The following MIA2 variants were observed in gnomAD, a reference collection of about 807,000 sequenced individuals.
MIA2 encodes the protein melanoma inhibitory activity protein 2.
In MIA2, 127 loss-of-function variants were observed where a neutral mutation model predicts 167.8. The ratio of observed to expected loss-of-function variants is 0.76; its 90% CI spans 0.66 to 0.88. MIA2 has a LOEUF of 0.88. MIA2 is among the 40% of genes least tolerant of loss of function. The pLI is 0.00. For synonymous variants in MIA2, 552 were observed against 541.9 expected (o/e 1.02, Z -0.26); for missense variants, 1,690 against 1,624.7 (o/e 1.04, Z -0.69).
intron 23 of MIA2, among the ~76,000 whole-genome samples, 167 bp from the exon 24 acceptor site, chr14:39,320,761 A>G (rs1010277595): frequency 1.1e-4 from 17 of 152,210 alleles, no homozygotes; most frequent in African/African-American, 3.9e-4. Flanking sequence ...CAGGGTCTGT[A>G]TTTAATTCTG....
intron 6 of MIA2, chr14:39,266,131 G>A: frequency 1.0e-6 from 1 of 985,386 alleles, no homozygotes; most frequent in Non-Finnish European, 1.2e-6. Context: ...TTAAGATTTT[G>A]TTCATCTATT....
At chr14:39,375,220 C>T (rs1567058915) in intron 23 of MIA2, among the ~76,000 whole-genome samples, 1 of 152,168 alleles carries the variant, frequency 6.6e-6, no homozygotes, top group Non-Finnish European at 1.5e-5. Context: ...ATTGGCTAGG[C>T]AGATGAATAA....
Position 39,290,957 on chromosome 14 carries a change from A to T in MIA2, c.2131-62A>T, listed in dbSNP as rs1178383184. On this transcript the variant is annotated intron_variant, in intron 9 of 28. Transcript: ENST00000640607. Reference sequence around the variant, plus strand: ...GATTCTGTCTGCTTCTTAGGCATCTATCCAGATAAGATTTAGAATACAATT... The same window carrying T: ...GATTCTGTCTGCTTCTTAGGCATCTTTCCAGATAAGATTTAGAATACAATT... 7.9e-6 allele frequency: 11 copies of T among 1,400,666 alleles called. No individual in the cohort carries two copies. The East Asian group carries it at 2.6e-4, about 33-fold the overall frequency. The allele number at this position is 1,400,666 out of a possible 1,614,324, so 86.8% of individuals were successfully genotyped here.
rs190113453 is a variant in MIA2, at chr14:39,267,966, A to G, written c.1888-8968A>G. 1.0e-3 allele frequency among the ~76,000 whole-genome samples: 140 copies of G among 139,532 alleles called. 2 individuals carry two copies. In the East Asian group the frequency reaches 0.028, roughly 28 times the overall value. 91.5% of individuals were successfully genotyped at this position (139,532 alleles called of 152,430 possible). On this transcript the variant is annotated intron_variant, in intron 6 of 28. Transcript: ENST00000640607. ...CACCTGAGGTTGGGCGGGGAGTTGA[A>G]ATTTTGATTCTGCATTTTTTTTTTT...
chr14:39,241,181 G>C (rs961111912), intron 3 of MIA2, among the ~76,000 whole-genome samples: 4 of 152,116 alleles, frequency 2.6e-5, no homozygotes, highest in Admixed American at 2.6e-4. Context: ...TTTGCTGTTG[G>C]AGTTTTTCAT....
rs763778159 is a variant in MIA2, at chr14:39,325,003, G to A, written c.3497-1861G>A. On this transcript the variant is annotated intron_variant, in intron 24 of 28. Transcript: ENST00000640607. ...TTTGGGAGGTCAAGGTGGTGGGATT[G>A]TTTGAGCCCAGGAGTTCAAGACCAG... Among the ~76,000 whole-genome samples the A allele has an allele frequency of 2.0e-5, 3 of 152,262 alleles. No homozygotes were observed. The East Asian group carries it at 5.8e-4, about 29-fold the overall frequency.
At chr14:39,374,719 A>G (rs1038771539) in intron 23 of MIA2, among the ~76,000 whole-genome samples, 2 of 152,216 alleles carry the variant, frequency 1.3e-5, no homozygotes, top group Admixed American at 6.5e-5. Context: ...TTAGGCAGCT[A>G]TTTAACAGGT....
intron 23 of MIA2, among the ~76,000 whole-genome samples, chr14:39,360,951 GT>G (rs1349570379): frequency 6.6e-6 from 1 of 152,132 alleles, no homozygotes; most frequent in Non-Finnish European, 1.5e-5. Context: ...TTGAAAATCA[GT>G]TGGCTGTAAA....
chr14:39,276,719 A>G (rs556406671), intron 6 of MIA2: 12 of 484,242 alleles, frequency 2.5e-5, no homozygotes, highest in African/African-American at 1.6e-4. Context: ...CCTCTGTAGA[A>G]CTCCAGTTTG....
chr14:39,320,428 G>A (rs1406894021), intron 23 of MIA2, among the ~76,000 whole-genome samples: 1 of 152,056 alleles, frequency 6.6e-6, no homozygotes, highest in African/African-American at 2.4e-5. Context: ...TTGTGATCTT[G>A]CTTCAGAGTA....
intron 3 of MIA2, among the ~76,000 whole-genome samples, chr14:39,241,470 G>A (rs777445439): frequency 4.6e-5 from 7 of 151,618 alleles, no homozygotes; most frequent in South Asian, 2.1e-4. Flanking sequence ...TTCCATTTTC[G>A]CCCTAATTCA....
At chr14:39,338,430 ATTT>A (rs556591596) in intron 25 of MIA2, among the ~76,000 whole-genome samples, 1 of 152,034 alleles carries the variant, frequency 6.6e-6, no homozygotes, top group Non-Finnish European at 1.5e-5. Context: ...ATATAATGTG[ATTT>A]TTTTTCACAA....
intron 6 of MIA2, chr14:39,265,378 C>T (rs1403202229): frequency 6.2e-7 from 1 of 1,604,814 alleles, no homozygotes; most frequent in Admixed American, 1.7e-5. Context: ...GAAATTTTAA[C>T]ATGAGCTTTT....
intron 23 of MIA2, among the ~76,000 whole-genome samples, chr14:39,320,551 C>T (rs1262128073): frequency 6.6e-6 from 1 of 152,086 alleles, no homozygotes; most frequent in Non-Finnish European, 1.5e-5. Context: ...GCAACTCTCA[C>T]CAGCTGAAAT....
intron 23 of MIA2, among the ~76,000 whole-genome samples, chr14:39,383,527 A>C (rs889229886): frequency 6.6e-6 from 1 of 152,204 alleles, no homozygotes; most frequent in Non-Finnish European, 1.5e-5. Context: ...AGTGACCTCT[A>C]CGTGTTCAGG....
chr14:39,368,645 AT>A (rs1301994918), intron 23 of MIA2, among the ~76,000 whole-genome samples: 14 of 135,930 alleles, frequency 1.0e-4, no homozygotes, highest in African/African-American at 3.4e-4. Context: ...TACTTTTCTT[AT>A]ATTTTTAGTC....
intron 14 of MIA2, among the ~76,000 whole-genome samples, chr14:39,301,037 C>T (rs1042423202): frequency 1.4e-4 from 6 of 43,254 alleles, no homozygotes; most frequent in African/African-American, 6.2e-4. Context: ...TATACATATA[C>T]ATACACACAC....
At chr14:39,374,420 G>GCTAA (rs1022736716) in intron 23 of MIA2, among the ~76,000 whole-genome samples, 1 of 152,184 alleles carries the variant, frequency 6.6e-6, no homozygotes, top group African/African-American at 2.4e-5. Flanking sequence ...ATATACAGAT[G>GCTAA]CTAACACATG....
intron 28 of MIA2, among the ~76,000 whole-genome samples, chr14:39,349,433 G>A (rs577052783): frequency 7.2e-5 from 11 of 152,216 alleles, no homozygotes; most frequent in East Asian, 1.9e-4. Context: ...ACGTTTGACC[G>A]AATTTTTGGA....
Sources: allele counts gnomAD v4.1 joint callset (sites outside exome capture counted in the v4.1 genomes callset), GRCh38; gene constraint gnomAD v4.1.1; transcripts MANE v1.5; gene names NCBI Gene and HGNC (gene_info 2026-07-23, HGNC 2026-07-21).